Variants in TNPO1 observed in about 807,000 individuals in gnomAD.
The protein encoded by TNPO1 is transportin 1, also known as transportin-1.
TNPO1 carries 8 observed loss-of-function variants against 119.5 expected under a neutral mutation model. That is an observed-to-expected ratio of 0.07 (90% CI 0.04 to 0.12). The LOEUF is 0.12. Ranked by LOEUF, TNPO1 falls within the 10% of genes least tolerant of loss-of-function variation. The pLI, the probability that TNPO1 is intolerant of heterozygous loss-of-function variation, is 1.00. For missense variants in TNPO1, 576 were observed against 1,089.8 expected (o/e 0.53, Z 6.64); for synonymous variants, 362 against 363.0 (o/e 1.00, Z 0.03).
At position 72,901,050 on chromosome 5, in the gene TNPO1, G is replaced by A. The variant is rs1410752463; in HGVS notation, c.2491G>A (p.Val831Met). Reference protein sequence around the residue: ...AFRGICTMISVNPSGVIQDFI... With the variant: ...AFRGICTMISMNPSGVIQDFI... ...CCGTGGAATTTGTACCATGATCAGTGTGAATCCCAGTGGCGTAATCCAAGT... is the reference window on the plus strand; with the variant it reads ...CCGTGGAATTTGTACCATGATCAGTATGAATCCCAGTGGCGTAATCCAAGT... The change falls in exon 22 of 25, where the codon GTG (valine) becomes ATG (methionine). Residue 831 changes from valine (V) to methionine (M), a missense_variant. Physicochemically the swap from Val to Met is conservative, Grantham distance 21. Around this residue, in one of 6 missense-constraint regions of TNPO1, gnomAD observed 162 missense variants for 294.1 expected, o/e 0.55. Transcript: ENST00000337273. 6 of 1,608,068 alleles carry A rather than the reference G, an allele frequency of 3.7e-6. No homozygotes were observed. The highest frequency in any genetic ancestry group is 5.1e-6 in the Non-Finnish European group (6 of 1,177,066).
chr5:72,862,496 T>C (rs1054360036), intron 5 of TNPO1: 1 of 90,602 alleles, frequency 1.1e-5, no homozygotes, highest in Non-Finnish European at 3.0e-5. Flanking sequence ...ACTAATTTTT[T>C]CTTTTTTTTT....
chr5:72,866,067 G>C (rs1746870262), intron 6 of TNPO1, among the ~76,000 whole-genome samples: 1 of 152,068 alleles, frequency 6.6e-6, no homozygotes, highest in Non-Finnish European at 1.5e-5. Context: ...TTTTAGCTTT[G>C]ATTTTAGAAT....
At chr5:72,889,764 C>CTTTT in intron 13 of TNPO1, 22 bp from the exon 14 acceptor site, 1 of 1,315,712 alleles carries the variant, frequency 7.6e-7, no homozygotes, top group South Asian at 1.4e-5. Flanking sequence ...AATAAGTATT[C>CTTTT]TTTTTTTTTT....
At chr5:72,896,831 T>G (rs1163354696) in intron 19 of TNPO1, among the ~76,000 whole-genome samples, 1 of 152,202 alleles carries the variant, frequency 6.6e-6, no homozygotes, top group Non-Finnish European at 1.5e-5. Flanking sequence ...ATTGCACCAC[T>G]GCACTCCAGC....
chr5:72,907,623 A>T (rs1750262549), intron 24 of TNPO1, among the ~76,000 whole-genome samples: 1 of 152,218 alleles, frequency 6.6e-6, no homozygotes, highest in Admixed American at 6.5e-5. Flanking sequence ...ATTTCTTAAT[A>T]TCCTTTTTAT....
intron 6 of TNPO1, among the ~76,000 whole-genome samples, chr5:72,866,071 T>TTAGAATCGGGATACATGTG (rs1297849158): frequency 2.0e-5 from 3 of 152,230 alleles, no homozygotes; most frequent in Non-Finnish European, 4.4e-5. Context: ...AGCTTTGATT[T>TTAGAATCGGGATACATGTG]TAGAATCGGG....
intron 1 of TNPO1, among the ~76,000 whole-genome samples, chr5:72,818,811 T>C (rs1166881366): frequency 6.6e-6 from 1 of 152,192 alleles, no homozygotes; most frequent in Non-Finnish European, 1.5e-5. Flanking sequence ...TGATGAGGTT[T>C]TCAAAAACAA....
intron 1 of TNPO1, among the ~76,000 whole-genome samples, chr5:72,845,148 T>G (rs1451442512): frequency 6.6e-6 from 1 of 151,860 alleles, no homozygotes; most frequent in Non-Finnish European, 1.5e-5. Context: ...ATTAGTGTAG[T>G]ATGGAGTATC....
chr5:72,819,683 C>T (rs919323470), intron 1 of TNPO1, among the ~76,000 whole-genome samples: 1 of 152,122 alleles, frequency 6.6e-6, no homozygotes, highest in African/African-American at 2.4e-5. Flanking sequence ...TGATATATGC[C>T]TTTTTAATGG....
chr5:72,857,977 T>C (rs569995729), intron 4 of TNPO1, among the ~76,000 whole-genome samples: 6 of 152,348 alleles, frequency 3.9e-5, no homozygotes, highest in South Asian at 2.1e-4. Context: ...AATTGACTTA[T>C]GTAGGCATTT....
In TNPO1 at chr5:72,897,113, A is replaced by C. The variant is rs937237925; in HGVS notation, c.2300A>C (p.Asn767Thr). ...TTGCACCAGCTTGTAGAAATCATTA[A>C]CAGACCCAACACACCAAAGACGTTG... Reference protein sequence around the residue: ...MVLHQLVEIINRPNTPKTLLE... With the variant: ...MVLHQLVEIITRPNTPKTLLE... The change falls in exon 20 of 25, where the codon AAC (asparagine) becomes ACC (threonine). Residue 767 changes from asparagine (N) to threonine (T), a missense_variant. Physicochemically the swap from Asn to Thr is moderately conservative, Grantham distance 65. Around this residue, in one of 6 missense-constraint regions of TNPO1, gnomAD observed 162 missense variants for 294.1 expected, o/e 0.55. Transcript: ENST00000337273. The C allele has an allele frequency of 1.7e-5, 28 of 1,612,046 alleles. No individual in the cohort carries two copies. The highest frequency in any genetic ancestry group is 2.1e-5 in the Non-Finnish European group (25 of 1,179,344).
intron 15 of TNPO1, 70 bp downstream of exon 15, chr5:72,891,966 A>G: frequency 8.6e-7 from 1 of 1,158,462 alleles, no homozygotes; most frequent in Non-Finnish European, 1.2e-6. Flanking sequence ...GGTATATATG[A>G]TAAGAAAAGT....
chr5:72,896,634 C>A, intron 19 of TNPO1, 78 bp downstream of exon 19: 1 of 1,127,136 alleles, frequency 8.9e-7, no homozygotes, highest in South Asian at 1.4e-5. Context: ...CTTCGGGAGG[C>A]TGAGGCGGGC....
intron 20 of TNPO1, among the ~76,000 whole-genome samples, chr5:72,898,342 C>A (rs778240048): frequency 6.6e-6 from 1 of 152,052 alleles, no homozygotes; most frequent in African/African-American, 2.4e-5. Context: ...GAATTTGTTA[C>A]ATAGTTTGTT....
At chr5:72,824,368 T>G (rs1744113473) in intron 1 of TNPO1, among the ~76,000 whole-genome samples, 1 of 152,244 alleles carries the variant, frequency 6.6e-6, no homozygotes, top group Non-Finnish European at 1.5e-5. Flanking sequence ...GTACTTGCTA[T>G]TGCCAAGTTC....
intron 16 of TNPO1, 55 bp from the exon 17 acceptor site, chr5:72,893,322 T>A: frequency 6.2e-7 from 1 of 1,604,984 alleles, no homozygotes; most frequent in Non-Finnish European, 8.5e-7. Flanking sequence ...GTATACAGAC[T>A]TTTTAAGTAG....
chr5:72,835,049 A>G (rs1450606011), intron 1 of TNPO1, among the ~76,000 whole-genome samples: 1 of 152,228 alleles, frequency 6.6e-6, no homozygotes, highest in East Asian at 1.9e-4. Context: ...AAGCTATACC[A>G]TATAGCCTAG....
chr5:72,906,280 T>TTTC (rs1750154965), intron 24 of TNPO1, among the ~76,000 whole-genome samples: 2 of 58,958 alleles, frequency 3.4e-5, no homozygotes, highest in African/African-American at 1.2e-4. Flanking sequence ...TTTTTCTTTT[T>TTTC]TTTTTTTTTT....
intron 13 of TNPO1, among the ~76,000 whole-genome samples, chr5:72,889,248 G>T (rs1748878098): frequency 6.6e-6 from 1 of 151,924 alleles, no homozygotes; most frequent in African/African-American, 2.4e-5. Flanking sequence ...AGTAGAGATG[G>T]GGTTTTGTCA....
Sources: gnomAD v4.1 joint callset for allele counts (sites outside exome capture counted in the v4.1 genomes callset) on GRCh38, gnomAD v4.1.1 for gene constraint, gnomAD v4.1.1 regional missense constraint, MANE v1.5 for transcripts, NCBI Gene and HGNC (gene_info 2026-07-23, HGNC 2026-07-21) for gene names.